The following NELL1 variants were observed in gnomAD, a reference collection of about 807,000 sequenced individuals.
NELL1 encodes protein kinase C-binding protein NELL1.
NELL1 carries 76 observed loss-of-function variants against 107.4 expected under a neutral mutation model. That is an observed-to-expected ratio of 0.71 (90% CI 0.59 to 0.86). The LOEUF (loss-of-function observed/expected upper bound fraction) is 0.86, where lower values mean the gene tolerates loss of function less well. Ranked by LOEUF, NELL1 falls within the 40% of genes least tolerant of loss-of-function variation. The probability of loss-of-function intolerance (pLI) is 0.00; values close to 1 mark genes in which losing one functional copy is unlikely to be tolerated. For missense variants in NELL1, 1,024 were observed against 1,005.5 expected (o/e 1.02, Z -0.25); for synonymous variants, 353 against 341.2 (o/e 1.03, Z -0.38).
At chr11:21,319,550 C>G (rs1221663986) in intron 14 of NELL1, among the ~76,000 whole-genome samples, 1 of 148,594 alleles carries the variant, frequency 6.7e-6, no homozygotes, top group Non-Finnish European at 1.5e-5. Context: ...ACATGTTGAT[C>G]AGGCTGGTCT....
intron 3 of NELL1, among the ~76,000 whole-genome samples, 189 bp from the exon 4 acceptor site, chr11:20,847,394 G>A (rs756564460): frequency 6.6e-6 from 1 of 152,144 alleles, no homozygotes; most frequent in Admixed American, 6.5e-5. Flanking sequence ...TCAAGATGTT[G>A]CCACGAGGGT....
At chr11:21,152,170 G>A (rs1478560951) in intron 13 of NELL1, among the ~76,000 whole-genome samples, 1 of 152,186 alleles carries the variant, frequency 6.6e-6, no homozygotes, top group African/African-American at 2.4e-5. Context: ...GAATGCAGGG[G>A]GTGGAGGGGC....
chr11:20,903,616 A>G (rs929407376), intron 5 of NELL1, among the ~76,000 whole-genome samples: 2 of 152,106 alleles, frequency 1.3e-5, no homozygotes, highest in African/African-American at 4.8e-5. Context: ...CCACAAATCT[A>G]ACATATGGTC....
intron 13 of NELL1, among the ~76,000 whole-genome samples, chr11:21,129,959 G>A (rs1855577270): frequency 6.6e-6 from 1 of 152,042 alleles, no homozygotes; most frequent in South Asian, 2.1e-4. Context: ...AAACATTGGG[G>A]AAAAAATGCC....
intron 2 of NELL1, among the ~76,000 whole-genome samples, chr11:20,738,983 C>A (rs77433525): frequency 0.05 from 7,670 of 152,234 alleles, 622 homozygotes; most frequent in African/African-American, 0.17. Context: ...CACCTTAGAG[C>A]TGAGTTGTCC....
intron 18 of NELL1, among the ~76,000 whole-genome samples, chr11:21,571,445 C>A (rs1172246372): frequency 6.6e-6 from 1 of 151,778 alleles, no homozygotes; most frequent in African/African-American, 2.4e-5. Flanking sequence ...ACTATTCTGG[C>A]CCTCAAGTGG....
At chr11:20,989,996 CAAA>C (rs35612589) in intron 12 of NELL1, among the ~76,000 whole-genome samples, 3 of 114,868 alleles carry the variant, frequency 2.6e-5, no homozygotes, top group Non-Finnish European at 1.9e-5. Context: ...GACTCCGTCT[CAAA>C]AAAAAAAAAA....
intron 15 of NELL1, among the ~76,000 whole-genome samples, chr11:21,516,723 TCA>T (rs922358009): frequency 3.3e-4 from 48 of 145,738 alleles, no homozygotes; most frequent in South Asian, 1.5e-3. Flanking sequence ...GGTCTGTCAA[TCA>T]CACACACACA....
intron 15 of NELL1, among the ~76,000 whole-genome samples, chr11:21,519,959 T>C (rs1855676483): frequency 6.6e-6 from 1 of 152,114 alleles, no homozygotes; most frequent in African/African-American, 2.4e-5. Context: ...TAATTTACCT[T>C]CTTGACAACA....
At chr11:21,554,821 T>A (rs1377540308) in intron 16 of NELL1, among the ~76,000 whole-genome samples, 1 of 151,610 alleles carries the variant, frequency 6.6e-6, no homozygotes, top group African/African-American at 2.4e-5. Flanking sequence ...TGGGACAGAG[T>A]TGACTCACTT....
intron 12 of NELL1, among the ~76,000 whole-genome samples, chr11:21,010,347 CT>C (rs1300664108): frequency 4.6e-5 from 7 of 152,002 alleles, no homozygotes; most frequent in Non-Finnish European, 8.8e-5. Context: ...GAGGATTCAG[CT>C]TGCTAACTAC....
intron 12 of NELL1, among the ~76,000 whole-genome samples, chr11:21,061,711 G>A (rs183788399): frequency 2.0e-5 from 3 of 152,180 alleles, no homozygotes; most frequent in South Asian, 4.2e-4. Context: ...CTGATACTTC[G>A]GATTTTGCTG....
intron 9 of NELL1, among the ~76,000 whole-genome samples, chr11:20,930,691 G>A (rs16907058): frequency 0.037 from 5,661 of 152,180 alleles, 145 homozygotes; most frequent in Middle Eastern, 0.092. Context: ...ACGTGTGTGG[G>A]ACGGTCATTT....
intron 2 of NELL1, among the ~76,000 whole-genome samples, chr11:20,701,068 C>A (rs550744783): frequency 7.9e-5 from 12 of 152,282 alleles, no homozygotes; most frequent in African/African-American, 2.9e-4. Context: ...GTTCTAGATC[C>A]TTGAGGAATC....
chr11:21,198,212 T>C (rs76455523), intron 13 of NELL1, among the ~76,000 whole-genome samples: 9,810 of 152,282 alleles, frequency 0.064, 395 homozygotes, highest in Non-Finnish European at 0.095. Context: ...CTTTTTACAG[T>C]GTGGAAGCTG....
At chr11:21,333,829 G>A (rs911651333) in intron 14 of NELL1, among the ~76,000 whole-genome samples, 1 of 151,986 alleles carries the variant, frequency 6.6e-6, no homozygotes, top group African/African-American at 2.4e-5. Flanking sequence ...CACAAAATTG[G>A]CTCTTTTCTT....
intron 12 of NELL1, among the ~76,000 whole-genome samples, chr11:21,082,633 T>C (rs1854295560): frequency 6.6e-6 from 1 of 152,196 alleles, no homozygotes; most frequent in Admixed American, 6.5e-5. Flanking sequence ...TGCTCTAGCA[T>C]TTGAAAGCCT....
At chr11:20,938,193 T>C (rs1850768486) in intron 10 of NELL1, among the ~76,000 whole-genome samples, 1 of 152,148 alleles carries the variant, frequency 6.6e-6, no homozygotes, top group African/African-American at 2.4e-5. Flanking sequence ...CAGTCTGTAA[T>C]GCTAGTTATG....
chr11:20,779,381 A>G (rs375359703), intron 2 of NELL1, among the ~76,000 whole-genome samples: 1 of 152,294 alleles, frequency 6.6e-6, no homozygotes, highest in East Asian at 1.9e-4. Context: ...TATTCAATCT[A>G]TGTTTAGCAT....
Sources: allele counts gnomAD v4.1 joint callset (sites outside exome capture counted in the v4.1 genomes callset), GRCh38; gene constraint gnomAD v4.1.1; transcripts MANE v1.5; gene names NCBI Gene and HGNC (gene_info 2026-07-23, HGNC 2026-07-21).